TMX3: variants seen among roughly 807,000 people sequenced by gnomAD.
The protein encoded by TMX3 is thioredoxin related transmembrane protein 3.
Under a neutral mutation model 64.4 loss-of-function variants are expected in TMX3, and 40 were observed. That is an observed-to-expected ratio of 0.62 (90% CI 0.48 to 0.81). TMX3 has a LOEUF of 0.81. Among genes scored for constraint, TMX3 ranks in the 30% least tolerant of loss-of-function variants. TMX3 has a pLI of 0.00. For synonymous variants in TMX3, 189 were observed against 175.7 expected, an observed-to-expected ratio of 1.08 and a Z score of -0.60; for missense variants, 497 against 534.5, an observed-to-expected ratio of 0.93 and a Z score of 0.69.
At chr18:68,684,105 C>T (rs1271666907) in intron 12 of TMX3, 85 bp downstream of exon 12, 12 of 957,698 alleles carry the variant, frequency 1.3e-5, no homozygotes, top group Non-Finnish European at 2.0e-5. Context: ...CCTCTAAAAG[C>T]ATGAATACTA....
chr18:68,691,498 A>G (rs1396931750), intron 8 of TMX3, 137 bp from the exon 9 acceptor site: 1 of 550,986 alleles, frequency 1.8e-6, no homozygotes, highest in African/African-American at 1.9e-5. Context: ...AAACAGTTAA[A>G]GAGTACAGTC....
Position 68,714,977 on chromosome 18 carries a change from G to C in TMX3, c.5C>G (p.Ala2Gly). The change falls in exon 1 of 16, where the codon GCA becomes GGA. Residue 2 changes from alanine to glycine, a missense_variant. Physicochemically the swap from Ala to Gly is moderately conservative, Grantham distance 60. Transcript: ENST00000299608. ...CAGGGCCGTCCAACTCTTCCACGCT[G>C]CCATGCTAGCCCGGGAGAGCTGCAG... is the stretch of plus-strand genomic sequence containing the variant. Reference protein sequence around the residue: MAAWKSWTALRL... With the variant: MGAWKSWTALRL... 1 of 1,573,414 alleles carries C rather than the reference G, an allele frequency of 6.4e-7. No individual in the cohort carries two copies. The highest frequency in any genetic ancestry group is 8.6e-7 in the Non-Finnish European group (1 of 1,160,122).
At position 68,681,147 on chromosome 18, in the gene TMX3, C is replaced by T. The variant is rs374378463; in HGVS notation, c.906-37G>A. ...AAAACAAATCAAAATATACATTAAA[C>T]ACAGCAATAGCAAGTATTCTGATAT... On this transcript the variant is annotated intron_variant, in intron 13 of 15. Transcript: ENST00000299608. 28 of 1,488,914 alleles carry T rather than the reference C, an allele frequency of 1.9e-5. No homozygotes were observed. The African/African-American group carries it at 3.5e-4, about 19-fold the overall frequency. 92.2% of individuals were successfully genotyped at this position (1,488,914 alleles called of 1,614,324 possible).
intron 2 of TMX3, among the ~76,000 whole-genome samples, chr18:68,713,463 T>TCA (rs2031504772): frequency 6.6e-6 from 1 of 152,176 alleles, no homozygotes; most frequent in Non-Finnish European, 1.5e-5. Context: ...GCCTGAAAGA[T>TCA]CACACACAGG....
chr18:68,708,449 C>T (rs2030942879), intron 4 of TMX3, among the ~76,000 whole-genome samples: 1 of 151,026 alleles, frequency 6.6e-6, no homozygotes, highest in Non-Finnish European at 1.5e-5. Context: ...AGGAATCTCA[C>T]ACTATTATTG....
chr18:68,697,937 A>G lies in TMX3; in HGVS notation c.487T>C (p.Leu163=), dbSNP rs368645674. 5 of 1,599,104 alleles carry G rather than the reference A, an allele frequency of 3.1e-6. No homozygotes were observed. Among genetic ancestry groups the G allele is most frequent in the Non-Finnish European group, 4.3e-6 (5 of 1,169,412 alleles). The change falls in exon 7 of 16, where the codon TTG becomes CTG. Residue 163 remains leucine (L), a synonymous_variant. Transcript: ENST00000299608. Reference sequence around the variant, plus strand: ...GGATTAAAAAAAAGTCTTACTTTCAAAGGTGATTCTCCACCTACATAAACG... The same window carrying G: ...GGATTAAAAAAAAGTCTTACTTTCAGAGGTGATTCTCCACCTACATAAACG... The part of the protein sequence containing the change: ...FFVYVGGESP[L]KEKYIDAASE...
chr18:68,690,240 G>A (rs376817721), intron 9 of TMX3, among the ~76,000 whole-genome samples: 1 of 152,152 alleles, frequency 6.6e-6, no homozygotes, highest in African/African-American at 2.4e-5. Flanking sequence ...ATGAATGGGT[G>A]TTCCCTATCT....
At chr18:68,687,862 A>T in intron 9 of TMX3, 97 bp from the exon 10 acceptor site, 1 of 771,184 alleles carries the variant, frequency 1.3e-6, no homozygotes. Flanking sequence ...CGCCTGACAG[A>T]GAATCATACT....
At chr18:68,698,372 C>G (rs886644146) in intron 6 of TMX3, among the ~76,000 whole-genome samples, 1 of 151,968 alleles carries the variant, frequency 6.6e-6, no homozygotes, top group Admixed American at 6.6e-5. Flanking sequence ...AAGACAATTC[C>G]CAAGAGAGTT....
chr18:68,686,896 T>C (rs1162678663), intron 10 of TMX3: 6 of 985,042 alleles, frequency 6.1e-6, no homozygotes, highest in Non-Finnish European at 7.2e-6. Flanking sequence ...CAGGAGAACA[T>C]GTAAGAATGT....
Position 68,697,259 on chromosome 18 carries a change from G to A in TMX3, c.537C>T (p.Tyr179=), listed in dbSNP as rs774134204. Residue 179 remains tyrosine, a synonymous_variant, in exon 8 of 16, where the codon TAC becomes TAT. Coordinates refer to ENST00000299608, the MANE Select transcript of TMX3 (RefSeq NM_019022.5). ...DAASELIVYT[Y]FFSASEEVVP... ...CCACTTCTTCTGAGGCAGAAAAGAA[G>A]TATGTATATACAATCAATTCTGAAG... 7 of 1,583,008 alleles carry A rather than the reference G, an allele frequency of 4.4e-6. No individual in the cohort carries two copies. Among genetic ancestry groups the A allele is most frequent in the Admixed American group, 1.7e-5 (1 of 57,542 alleles).
At position 68,710,161 on chromosome 18, in the gene TMX3, A is replaced by G. The variant is rs996680406; in HGVS notation, c.142-17T>C. The G allele has an allele frequency of 6.6e-7, 1 of 1,512,468 alleles. No individual in the cohort carries two copies. Among genetic ancestry groups the G allele is most frequent in the African/African-American group, 1.5e-5 (1 of 66,840 alleles). 93.7% of individuals were successfully genotyped at this position (1,512,468 alleles called of 1,614,324 possible). A position where few individuals can be genotyped will look rare whatever the true frequency, so the allele number is the denominator to read the frequency against. On this transcript the variant is annotated splice_polypyrimidine_tract_variant and intron_variant, in intron 3 of 15. Transcript: ENST00000299608. The stretch of plus-strand genomic sequence containing the variant: ...CGCATAAAACTTGTTTTAAAAAAAC[A>G]AACAACAAACAAAAAAAGATAACCA...
intron 6 of TMX3, among the ~76,000 whole-genome samples, chr18:68,699,877 T>A (rs1915497970): frequency 6.6e-6 from 1 of 152,194 alleles, no homozygotes; most frequent in African/African-American, 2.4e-5. Context: ...TTTAACTATG[T>A]CACATTCTAA....
At chr18:68,706,953 T>G (rs1401431437) in intron 4 of TMX3, among the ~76,000 whole-genome samples, 2 of 152,228 alleles carry the variant, frequency 1.3e-5, no homozygotes, top group Admixed American at 1.3e-4. Flanking sequence ...CTTCCATCAC[T>G]GACATTTAAC....
At chr18:68,701,031 G>A (rs1050312472) in intron 5 of TMX3, 12 of 983,884 alleles carry the variant, frequency 1.2e-5, no homozygotes, top group Non-Finnish European at 1.3e-5. Context: ...TTTTAAAAAG[G>A]AAAAATTGGG....
At chr18:68,707,115 G>C (rs1035422587) in intron 4 of TMX3, among the ~76,000 whole-genome samples, 2 of 152,036 alleles carry the variant, frequency 1.3e-5, no homozygotes, top group African/African-American at 4.8e-5. Flanking sequence ...GTATGTGCCA[G>C]GCATATCCTA....
intron 2 of TMX3, 96 bp downstream of exon 2, chr18:68,713,750 T>C: frequency 1.7e-6 from 1 of 574,390 alleles, no homozygotes; most frequent in East Asian, 3.5e-5. Flanking sequence ...ATATAAAAAT[T>C]GGTTCCAATC....
At position 68,686,754 on chromosome 18, in the gene TMX3, C is replaced by T. The variant is rs978761133; in HGVS notation, c.736+913G>A. 25 of 985,120 alleles carry T rather than the reference C, an allele frequency of 2.5e-5. No homozygotes were observed. In the African/African-American group the frequency reaches 3.1e-4, roughly 12 times the overall value. 61.0% of individuals were successfully genotyped at this position (985,120 alleles called of 1,614,324 possible). ...AAACCACAGTCTTTGACACTGTCCC[C>T]GGCAACTTCCAATAATGAGCTAATA... On this transcript the variant is annotated intron_variant, in intron 10 of 15. Coordinates refer to ENST00000299608, the MANE Select transcript of TMX3 (RefSeq NM_019022.5).
At position 68,711,358 on chromosome 18, in the gene TMX3, A is replaced by G. The variant is rs1290346802; in HGVS notation, c.141+6T>C. The G allele has an allele frequency of 1.3e-6, 2 of 1,580,842 alleles. No homozygotes were observed. Among genetic ancestry groups the G allele is most frequent in the South Asian group, 2.3e-5 (2 of 86,594 alleles). On this transcript the variant is annotated splice_donor_region_variant and intron_variant, in intron 3 of 15. Transcript: ENST00000299608. ...GGTAATTAGCATATAAAATTTACAT[A>G]CTTACATCTACAAGCCAAATGTCAT...
Sources: gnomAD v4.1 joint callset for allele counts (sites outside exome capture counted in the v4.1 genomes callset) on GRCh38, gnomAD v4.1.1 for gene constraint, MANE v1.5 for transcripts, NCBI Gene and HGNC (gene_info 2026-07-23, HGNC 2026-07-21) for gene names.